The following RBFOX3 variants were observed in gnomAD, a reference collection of about 807,000 sequenced individuals.
RBFOX3 encodes RNA binding protein fox-1 homolog 3.
Under a neutral mutation model 48.7 loss-of-function variants are expected in RBFOX3, and 17 were observed. The observed-to-expected ratio is 0.35, with a 90% confidence interval of 0.24 to 0.52. RBFOX3 has a LOEUF of 0.52. RBFOX3 is among the 20% of genes least tolerant of loss of function. The pLI is 0.94. For missense variants in RBFOX3, 382 were observed against 497.5 expected, an observed-to-expected ratio of 0.77 and a Z score of 2.21; for synonymous variants, 212 against 209.5, an observed-to-expected ratio of 1.01 and a Z score of -0.10.
intron 4 of RBFOX3, among the ~76,000 whole-genome samples, chr17:79,121,597 C>T (rs928291305): frequency 6.6e-6 from 1 of 152,154 alleles, no homozygotes; most frequent in African/African-American, 2.4e-5. Flanking sequence ...CTGATGTGTC[C>T]AGTCCTTGTC....
At chr17:79,502,949 A>G (rs2082578769) in intron 1 of RBFOX3, among the ~76,000 whole-genome samples, 1 of 152,150 alleles carries the variant, frequency 6.6e-6, no homozygotes, top group African/African-American at 2.4e-5. Context: ...CCCCATAACA[A>G]TATCACAGAC....
intron 2 of RBFOX3, among the ~76,000 whole-genome samples, chr17:79,404,215 G>A (rs936225077): frequency 3.3e-4 from 51 of 152,240 alleles, no homozygotes; most frequent in Admixed American, 3.2e-3. Context: ...GCGGGAAGCC[G>A]CAGGACTGAG....
chr17:79,648,727 C>G, the RBFOX3 span, among the ~76,000 whole-genome samples: 1 of 152,186 alleles, frequency 6.6e-6, no homozygotes, highest in Admixed American at 6.5e-5. Flanking sequence ...GGGGCTGGGG[C>G]TGCTCTCCAA....
At chr17:79,317,185 G>C (rs184483459) in intron 2 of RBFOX3, among the ~76,000 whole-genome samples, 288 of 152,210 alleles carry the variant, frequency 1.9e-3, no homozygotes, top group Admixed American at 4.1e-3. Flanking sequence ...CTTTCTCAAG[G>C]CCACACAGTC....
chr17:79,481,677 G>T lies in RBFOX3; in HGVS notation c.-175+777C>A, dbSNP rs1041024169. The stretch of plus-strand genomic sequence containing the variant: ...GGTGAACTTGTGGGTGAACCAGCAG[G>T]GTGGTGCATCCTAACACCATGGGGA... On this transcript the variant is annotated intron_variant, in intron 2 of 14. Coordinates refer to ENST00000693108, the MANE Select transcript of RBFOX3 (RefSeq NM_001350451.2). The surrounding 1 kb of genome is among the most constrained non-coding windows in gnomAD (Gnocchi z 5.4). 5.3e-5 allele frequency among the ~76,000 whole-genome samples: 8 copies of T among 152,168 alleles called. No homozygotes were observed. Among genetic ancestry groups the T allele is most frequent in the African/African-American group, 1.9e-4 (8 of 41,432 alleles).
chr17:79,102,882 G>A (rs2076702171), intron 8 of RBFOX3, among the ~76,000 whole-genome samples: 1 of 152,198 alleles, frequency 6.6e-6, no homozygotes. Context: ...AGGATTTCTG[G>A]GGCTCCTCCA....
rs1001621969 is a variant in RBFOX3 at position 79,556,756 on chromosome 17, T to C, written c.-320+54070A>G. 5.8e-3 allele frequency among the ~76,000 whole-genome samples: 879 copies of C among 152,220 alleles called. 6 individuals are homozygous for C. Among genetic ancestry groups the C allele is most frequent in the African/African-American group, 0.02 (831 of 41,544 alleles). ...GAAGGCAGCACATCTATCAACGTCT[T>C]GAGATGGCAAAATTCCTAGGAAGGG... On this transcript the variant is annotated intron_variant, in intron 1 of 14. Transcript: ENST00000693108.
intron 4 of RBFOX3, among the ~76,000 whole-genome samples, chr17:79,174,827 C>T (rs1173396348): frequency 1.3e-5 from 2 of 152,240 alleles, no homozygotes; most frequent in African/African-American, 4.8e-5. Flanking sequence ...CTAAGTGAGA[C>T]TGAGGCCTAG....
rs537032091 is a variant in RBFOX3, at chr17:79,540,571, G to T, written c.-319-57973C>A. Among the ~76,000 whole-genome samples, 37 of 152,278 alleles carry T rather than the reference G, an allele frequency of 2.4e-4. 1 individual carries two copies. Among genetic ancestry groups the T allele is most frequent in the African/African-American group, 8.9e-4 (37 of 41,550 alleles). ...TGCTCCTGCTGTTCTCTCCTCCCACGCAATGCACACTCCTCCACACAGAAG... is the reference window on the plus strand; with the variant it reads ...TGCTCCTGCTGTTCTCTCCTCCCACTCAATGCACACTCCTCCACACAGAAG... On this transcript the variant is annotated intron_variant, in intron 1 of 14. Transcript: ENST00000693108.
the RBFOX3 span, among the ~76,000 whole-genome samples, chr17:79,620,554 CAT>C: frequency 6.3e-4 from 95 of 150,734 alleles, no homozygotes; most frequent in Admixed American, 1.4e-3. Context: ...CGCATGCACA[CAT>C]GTGCACACCC....
chr17:79,153,059 C>T (rs1280824239), intron 4 of RBFOX3, among the ~76,000 whole-genome samples: 2 of 152,206 alleles, frequency 1.3e-5, no homozygotes, highest in Non-Finnish European at 1.5e-5. Flanking sequence ...CTGGGGCTGC[C>T]CTATTTCCTC....
chr17:79,488,089 CA>C (rs1406178423), intron 1 of RBFOX3, among the ~76,000 whole-genome samples: 7 of 152,032 alleles, frequency 4.6e-5, no homozygotes, highest in African/African-American at 1.2e-4. Flanking sequence ...ACCTAAAACA[CA>C]GGCACCCCAA....
At chr17:79,389,163 C>T (rs1233932179) in intron 2 of RBFOX3, among the ~76,000 whole-genome samples, 2 of 152,180 alleles carry the variant, frequency 1.3e-5, no homozygotes, top group African/African-American at 4.8e-5. Context: ...GTTTGGGGTC[C>T]CCTTCCTCTC....
chr17:79,544,104 C>CTCACAGTGACCCTATGAG (rs2090078913), intron 1 of RBFOX3, among the ~76,000 whole-genome samples: 1 of 152,226 alleles, frequency 6.6e-6, no homozygotes, highest in Non-Finnish European at 1.5e-5. Flanking sequence ...TGCTGCCATC[C>CTCACAGTGACCCTATGAG]TCACAGTGAC....
chr17:79,128,711 C>T (rs1175636826), intron 4 of RBFOX3, among the ~76,000 whole-genome samples: 1 of 152,190 alleles, frequency 6.6e-6, no homozygotes, highest in African/African-American at 2.4e-5. Flanking sequence ...GGGCTGCCTG[C>T]CCCTGCTCCT....
intron 3 of RBFOX3, among the ~76,000 whole-genome samples, chr17:79,270,607 C>T (rs1642877113): frequency 6.6e-6 from 1 of 152,258 alleles, no homozygotes; most frequent in South Asian, 2.1e-4. Flanking sequence ...TGGTGCCAGG[C>T]CAGGACGCAC....
chr17:79,491,079 G>A (rs2080478797), intron 1 of RBFOX3, among the ~76,000 whole-genome samples: 1 of 6,166 alleles, frequency 1.6e-4, no homozygotes, highest in Non-Finnish European at 2.7e-4. Flanking sequence ...GAGGGGAGGC[G>A]AGGGGAGGCG....
chr17:79,160,650 C>CCATTCATT (rs111882020), intron 4 of RBFOX3, among the ~76,000 whole-genome samples: 7 of 152,230 alleles, frequency 4.6e-5, no homozygotes, highest in African/African-American at 1.4e-4. Flanking sequence ...TGGGATTCCC[C>CCATTCATT]CATTCATTCA....
At chr17:79,417,366 G>C (rs1598603675) in intron 2 of RBFOX3, among the ~76,000 whole-genome samples, 1 of 152,312 alleles carries the variant, frequency 6.6e-6, no homozygotes, top group East Asian at 1.9e-4. Context: ...GAGGACATCA[G>C]AGAGGACACC....
Sources: gnomAD v4.1 joint callset for allele counts (sites outside exome capture counted in the v4.1 genomes callset) on GRCh38, gnomAD v4.1.1 for gene constraint, Gnocchi (gnomAD v3.1) non-coding constraint, MANE v1.5 for transcripts, NCBI Gene and HGNC (gene_info 2026-07-23, HGNC 2026-07-21) for gene names.